Variants in GLI3 observed in about 807,000 individuals in gnomAD.
GLI3 encodes the protein transcription activator GLI3.
Under a neutral mutation model 100.8 loss-of-function variants are expected in GLI3, and 20 were observed. The ratio of observed to expected loss-of-function variants is 0.20; its 90% CI spans 0.14 to 0.29. The LOEUF (loss-of-function observed/expected upper bound fraction) is 0.29. Ranked by LOEUF, GLI3 falls within the 10% of genes least tolerant of loss-of-function variation. The pLI is 1.00. For missense variants in GLI3, 2,040 were observed against 2,128.5 expected, an observed-to-expected ratio of 0.96 and a Z score of 0.82; for synonymous variants, 938 against 860.5, an observed-to-expected ratio of 1.09 and a Z score of -1.58.
intron 3 of GLI3, among the ~76,000 whole-genome samples, chr7:42,138,261 C>T (rs1166134640): frequency 6.6e-6 from 1 of 152,176 alleles, no homozygotes; most frequent in Admixed American, 6.5e-5. Flanking sequence ...AGGACTGAGT[C>T]CCCCAGAGGC....
chr7:42,229,680 C>A (rs1788656158), intron 1 of GLI3, among the ~76,000 whole-genome samples: 1 of 152,112 alleles, frequency 6.6e-6, no homozygotes, highest in African/African-American at 2.4e-5. Context: ...CCCGGATTAA[C>A]CATCCAGGTA....
chr7:42,011,321 G>A (rs1788605710), intron 10 of GLI3, among the ~76,000 whole-genome samples: 1 of 152,198 alleles, frequency 6.6e-6, no homozygotes, highest in East Asian at 1.9e-4. Flanking sequence ...GAAAAAGGCA[G>A]AGCCTACAGC....
intron 4 of GLI3, among the ~76,000 whole-genome samples, chr7:42,060,479 G>GT (rs2128746838): frequency 6.6e-6 from 1 of 152,182 alleles, no homozygotes; most frequent in South Asian, 2.1e-4. Context: ...TAATTCTGTA[G>GT]TTTTAGTTCA....
intron 10 of GLI3, among the ~76,000 whole-genome samples, chr7:41,980,430 G>A (rs1332349597): frequency 6.6e-6 from 1 of 152,136 alleles, no homozygotes; most frequent in Non-Finnish European, 1.5e-5. Context: ...GCCCAGCCTT[G>A]GAAACCAAGC....
At chr7:42,171,806 T>G (rs752538671) in intron 2 of GLI3, among the ~76,000 whole-genome samples, 14 of 152,178 alleles carry the variant, frequency 9.2e-5, no homozygotes, top group Non-Finnish European at 1.9e-4. Context: ...TAGTGGAGGT[T>G]GAAAATACAG....
At position 42,001,236 on chromosome 7, in the gene GLI3, C is replaced by CAAA. The variant is rs10700047; in HGVS notation, c.1497+22229_1497+22231dup. ...TGGGCGACAGTGTGAGACTATGTCT[C>CAAA]AAAAAAAAAAAAAAAAAAGTTAAAA... On this transcript the variant is annotated intron_variant, in intron 10 of 14. Coordinates refer to ENST00000395925, the MANE Select transcript of GLI3 (RefSeq NM_000168.6). Among the ~76,000 whole-genome samples, 96 of 85,518 alleles carry CAAA rather than the reference C, an allele frequency of 1.1e-3. 2 individuals are homozygous for CAAA. Among genetic ancestry groups the CAAA allele is most frequent in the South Asian group, 8.4e-3 (17 of 2,034 alleles). The allele number at this position is 85,518 out of a possible 152,430, so 56.1% of individuals were successfully genotyped here. A position where few individuals can be genotyped will look rare whatever the true frequency, so the allele number is the denominator to read the frequency against.
chr7:42,241,784 G>A (rs904125019), upstream of GLI3, among the ~76,000 whole-genome samples: 15 of 152,104 alleles, frequency 9.9e-5, no homozygotes, highest in African/African-American at 3.6e-4. Context: ...CCTCTCTTTG[G>A]ATTTCTGCAA....
intron 4 of GLI3, among the ~76,000 whole-genome samples, chr7:42,062,700 T>TACAC (rs1328006620): frequency 1.8e-4 from 22 of 123,862 alleles, no homozygotes; most frequent in African/African-American, 7.9e-4. Context: ...TTATATATTA[T>TACAC]ACACACACAC....
chr7:42,131,505 G>C (rs1583584193), intron 3 of GLI3, among the ~76,000 whole-genome samples: 2 of 152,336 alleles, frequency 1.3e-5, no homozygotes, highest in Admixed American at 1.3e-4. Context: ...GGTTAGGTAT[G>C]ATCTTAACAT....
intron 1 of GLI3, among the ~76,000 whole-genome samples, chr7:42,236,497 C>A (rs1028852716): frequency 2.6e-5 from 4 of 152,184 alleles, no homozygotes; most frequent in African/African-American, 9.6e-5. Context: ...GCGGCGGCCC[C>A]CGCGGCGGAG....
At chr7:42,177,523 G>A (rs9885996) in intron 2 of GLI3, among the ~76,000 whole-genome samples, 38,254 of 152,008 alleles carry the variant, frequency 0.25, 5,194 homozygotes, top group South Asian at 0.34. Context: ...TGGTTTGTGA[G>A]CCCCATCAGT....
intron 1 of GLI3, among the ~76,000 whole-genome samples, chr7:42,235,053 A>G (rs948552258): frequency 6.6e-6 from 1 of 152,242 alleles, no homozygotes; most frequent in African/African-American, 2.4e-5. Flanking sequence ...CAGCTTTAAT[A>G]TATCCCCTCA....
At chr7:42,183,796 C>A (rs560513329) in intron 2 of GLI3, among the ~76,000 whole-genome samples, 5 of 152,184 alleles carry the variant, frequency 3.3e-5, no homozygotes, top group South Asian at 4.1e-4. Flanking sequence ...AGAGCTGGAC[C>A]GTCACCCCCT....
At chr7:42,081,083 G>A (rs1784988243) in intron 3 of GLI3, among the ~76,000 whole-genome samples, 1 of 152,146 alleles carries the variant, frequency 6.6e-6, no homozygotes, top group African/African-American at 2.4e-5. Flanking sequence ...ACGAAACCTG[G>A]CTACCTCCTA....
intron 7 of GLI3, among the ~76,000 whole-genome samples, chr7:42,027,884 G>A (rs776222700): frequency 5.9e-5 from 9 of 152,300 alleles, no homozygotes; most frequent in South Asian, 2.1e-4. Context: ...TTTCTGCAGC[G>A]TTATAGTTAC....
intron 5 of GLI3, among the ~76,000 whole-genome samples, 193 bp from the exon 6 acceptor site, chr7:42,045,723 G>A (rs1156376671): frequency 6.6e-6 from 1 of 152,162 alleles, no homozygotes; most frequent in Non-Finnish European, 1.5e-5. Context: ...AAAACTGAAG[G>A]AAAGGAATAG....
rs139875129 is a variant in GLI3 at position 42,030,093 on chromosome 7, G to A, written c.1029-3681C>T. Among the ~76,000 whole-genome samples the A allele has an allele frequency of 5.9e-3, 904 of 152,224 alleles. 10 individuals carry two copies. Among genetic ancestry groups the A allele is most frequent in the Non-Finnish European group, 9.4e-3 (638 of 68,002 alleles). Reference sequence around the variant, plus strand: ...AGTCAGAAGTCTGCAATAGGCCGGCGGGGCTGCATTATTCCAGACGGTCTA... The same window carrying A: ...AGTCAGAAGTCTGCAATAGGCCGGCAGGGCTGCATTATTCCAGACGGTCTA... On this transcript the variant is annotated intron_variant, in intron 7 of 14. Transcript: ENST00000395925.
rs1787023608 is a variant in GLI3 at position 41,961,951 on chromosome 7, A to G, written c.*2379T>C. On this transcript the variant is annotated 3_prime_UTR_variant, in exon 15 of 15. Coordinates refer to ENST00000395925, the MANE Select transcript of GLI3 (RefSeq NM_000168.6). The stretch of plus-strand genomic sequence containing the variant: ...TTGCATCTCCTGCAAATCTAAAAGC[A>G]GTAGAAAGGAAAGCAAATATAAAAA... 1 of 152,200 alleles carries G rather than the reference A, an allele frequency of 6.6e-6. No homozygotes were observed. The highest frequency in any genetic ancestry group is 2.4e-5 in the African/African-American group (1 of 41,436). The allele number at this position is 152,200 out of a possible 1,614,324, so 9.4% of individuals were successfully genotyped here. A position where few individuals can be genotyped will look rare whatever the true frequency, so the allele number is the denominator to read the frequency against.
intron 10 of GLI3, among the ~76,000 whole-genome samples, chr7:42,011,551 C>T (rs999818736): frequency 2.0e-5 from 3 of 152,080 alleles, no homozygotes; most frequent in Admixed American, 2.0e-4. Flanking sequence ...TATAGCCAGC[C>T]ATCCAAGAGA....
Sources: gnomAD v4.1 joint callset for allele counts (sites outside exome capture counted in the v4.1 genomes callset) on GRCh38, gnomAD v4.1.1 for gene constraint, MANE v1.5 for transcripts, NCBI Gene and HGNC (gene_info 2026-07-23, HGNC 2026-07-21) for gene names.